The following SHC2 variants were observed in gnomAD, a reference collection of about 807,000 sequenced individuals.
The protein encoded by SHC2 is SHC adaptor protein 2, also known as SHC-transforming protein 2.
SHC2 carries 62 observed loss-of-function variants against 60.6 expected under a neutral mutation model. That is an observed-to-expected ratio of 1.02 (90% CI 0.83 to 1.26). The LOEUF is 1.26. SHC2 is among the 50% of genes most tolerant of loss of function. SHC2 has a pLI of 0.00. For synonymous variants in SHC2, 375 were observed against 372.4 expected, an observed-to-expected ratio of 1.01 and a Z score of -0.08; for missense variants, 873 against 822.2, an observed-to-expected ratio of 1.06 and a Z score of -0.76.
At chr19:456,920 G>C (rs1032819501) in intron 1 of SHC2, among the ~76,000 whole-genome samples, 1 of 146,730 alleles carries the variant, frequency 6.8e-6, no homozygotes, top group Admixed American at 6.7e-5. Flanking sequence ...CCACTGCGTG[G>C]GGCCTTTGCA....
intron 2 of SHC2, among the ~76,000 whole-genome samples, chr19:439,756 C>T (rs1303850902): frequency 1.3e-5 from 2 of 152,130 alleles, no homozygotes; most frequent in African/African-American, 2.4e-5. Context: ...GCAGGCGCGG[C>T]GGCCCCCACC....
At chr19:448,250 A>G (rs1975095041) in intron 1 of SHC2, among the ~76,000 whole-genome samples, 1 of 152,242 alleles carries the variant, frequency 6.6e-6, no homozygotes, top group East Asian at 1.9e-4. Context: ...AGCAAAGGCC[A>G]CACCTGGGGG....
chr19:436,722 GC>G (rs770472465), intron 4 of SHC2, 39 bp from the exon 5 acceptor site: 2 of 1,581,848 alleles, frequency 1.3e-6, no homozygotes, highest in South Asian at 2.3e-5. Context: ...TGGGGGCCCC[GC>G]TTCGAGGGCA....
chr19:443,749 G>A (rs1260275144), intron 1 of SHC2, among the ~76,000 whole-genome samples: 2 of 149,360 alleles, frequency 1.3e-5, no homozygotes, highest in Non-Finnish European at 3.0e-5. Flanking sequence ...TGGATGGACG[G>A]ATGGTTGGAT....
rs1974714231 is a variant in SHC2 at position 436,247 on chromosome 19, T to TG, written c.870dup (p.Ile291HisfsTer145). The stretch of plus-strand genomic sequence containing the variant: ...TCGAAAGCTTGGCCCACGGTGCTGA[T>TG]GATGCTCTGTGCCAGGCCCTCACAG... On this transcript the variant is annotated frameshift_variant, in exon 7 of 13. Coordinates refer to ENST00000264554, the MANE Select transcript of SHC2 (RefSeq NM_012435.3). LOFTEE classifies it high-confidence loss of function. 1.1e-5 allele frequency: 18 copies of TG among 1,597,504 alleles called. No individual in the cohort carries two copies. Among genetic ancestry groups the TG allele is most frequent in the Non-Finnish European group, 1.4e-5 (17 of 1,172,750 alleles).
At chr19:447,278 G>C (rs1412306023) in intron 1 of SHC2, among the ~76,000 whole-genome samples, 1 of 151,936 alleles carries the variant, frequency 6.6e-6, no homozygotes. Context: ...GAGGCAGGAA[G>C]GGGACGCGTG....
At position 440,298 on chromosome 19, in the gene SHC2, G is replaced by C. The variant is rs1218618646; in HGVS notation, c.539+564C>G. 6.6e-6 allele frequency among the ~76,000 whole-genome samples: 1 copy of C among 152,122 alleles called. No individual in the cohort carries two copies. The highest frequency in any genetic ancestry group is 1.9e-4 in the East Asian group (1 of 5,196). On this transcript the variant is annotated intron_variant, in intron 2 of 12. Transcript: ENST00000264554. This position sits in a 1 kb window ranked among gnomAD's most constrained non-coding sequence, Gnocchi z 7.0. The stretch of plus-strand genomic sequence containing the variant: ...TTCGGAACTAGACAGTGGTGATCGT[G>C]TGACTCTGTGAAGAGCCTAAAGTCT...
At chr19:456,737 G>T (rs866407399) in intron 1 of SHC2, among the ~76,000 whole-genome samples, 2 of 131,346 alleles carry the variant, frequency 1.5e-5, no homozygotes, top group African/African-American at 5.6e-5. Flanking sequence ...AAACTCCACC[G>T]CGTCAGGCCT....
At chr19:448,046 A>G (rs1463905705) in intron 1 of SHC2, among the ~76,000 whole-genome samples, 1 of 152,220 alleles carries the variant, frequency 6.6e-6, no homozygotes, top group Non-Finnish European at 1.5e-5. Flanking sequence ...GGCCGCAGGC[A>G]GCGCTTGGGC....
intron 1 of SHC2, among the ~76,000 whole-genome samples, chr19:457,789 G>T (rs118029851): frequency 0.014 from 2,081 of 152,398 alleles, 41 homozygotes; most frequent in South Asian, 0.049. Flanking sequence ...AATGGATGTG[G>T]TGTGAAGGAA....
At chr19:417,727 C>G (rs556732050) in intron 12 of SHC2, among the ~76,000 whole-genome samples, 1 of 152,322 alleles carries the variant, frequency 6.6e-6, no homozygotes, top group East Asian at 1.9e-4. Context: ...AACACAGGAG[C>G]CCGTGTGCCA....
At chr19:437,538 C>G (rs1440048224) in intron 4 of SHC2, among the ~76,000 whole-genome samples, 2 of 152,124 alleles carry the variant, frequency 1.3e-5, no homozygotes, top group Admixed American at 1.3e-4. Context: ...GAGGCTCTCC[C>G]CTTGCCAACC....
Position 438,898 on chromosome 19 carries a change from A to G in SHC2, c.601-61T>C. 6.4e-7 allele frequency: 1 copy of G among 1,553,784 alleles called. No individual in the cohort carries two copies. Among genetic ancestry groups the G allele is most frequent in the East Asian group, 2.4e-5 (1 of 41,412 alleles). ...GGGTGGGGGCTGTCGAGGGGCTCCC[A>G]GGATGGCCGCAGCGTCCCCACAGCC... On this transcript the variant is annotated intron_variant, in intron 3 of 12. Coordinates refer to ENST00000264554, the MANE Select transcript of SHC2 (RefSeq NM_012435.3). This position sits in a 1 kb window ranked among gnomAD's most constrained non-coding sequence, Gnocchi z 5.0.
chr19:448,940 T>C (rs11085050), intron 1 of SHC2, among the ~76,000 whole-genome samples: 80,315 of 151,332 alleles, frequency 0.53, 24,979 homozygotes, highest in African/African-American at 0.87. Context: ...ACGGCTTGAG[T>C]TCAGGAGTTC....
intron 7 of SHC2, 57 bp from the exon 8 acceptor site, chr19:434,922 T>C (rs977768478): frequency 5.9e-6 from 9 of 1,536,228 alleles, no homozygotes; most frequent in African/African-American, 1.4e-5. Context: ...GGCTAAAGCC[T>C]TACGGCTTGA....
rs1974871445 is a variant in SHC2, at chr19:441,584, GA to G, written c.469-653del. ...GTCCTTCCAACGTTGGCCCTTGCTG[GA>G]GGGAGGGTAAGGGGCACAGCCCACG... On this transcript the variant is annotated intron_variant, in intron 1 of 12. Coordinates refer to ENST00000264554, the MANE Select transcript of SHC2 (RefSeq NM_012435.3). The surrounding 1 kb of genome is among the most constrained non-coding windows in gnomAD (Gnocchi z 4.9). Among the ~76,000 whole-genome samples the G allele has an allele frequency of 6.6e-6, 1 of 152,208 alleles. No homozygotes were observed. The highest frequency in any genetic ancestry group is 1.5e-5 in the Non-Finnish European group (1 of 68,040).
In SHC2 at chr19:440,326, A is replaced by G. The variant is rs1974833340; in HGVS notation, c.539+536T>C. Among the ~76,000 whole-genome samples, 1 of 152,182 alleles carries G rather than the reference A, an allele frequency of 6.6e-6. No homozygotes were observed. Among genetic ancestry groups the G allele is most frequent in the African/African-American group, 2.4e-5 (1 of 41,444 alleles). ...ACTCTGTGAAGAGCCTAAAGTCTCAAACTGTACATTATATCTCACATACGC... is the reference window on the plus strand; with the variant it reads ...ACTCTGTGAAGAGCCTAAAGTCTCAGACTGTACATTATATCTCACATACGC... On this transcript the variant is annotated intron_variant, in intron 2 of 12. Transcript: ENST00000264554. The surrounding 1 kb of genome is among the most constrained non-coding windows in gnomAD (Gnocchi z 7.0).
rs544588093 is a variant in SHC2 at position 437,316 on chromosome 19, C to T, written c.721-633G>A. 7.6e-3 allele frequency among the ~76,000 whole-genome samples: 1,144 copies of T among 150,376 alleles called. 8 individuals are homozygous for T. Among genetic ancestry groups the T allele is most frequent in the African/African-American group, 0.016 (639 of 40,546 alleles). On this transcript the variant is annotated intron_variant, in intron 4 of 12. Coordinates refer to ENST00000264554, the MANE Select transcript of SHC2 (RefSeq NM_012435.3). The stretch of plus-strand genomic sequence containing the variant: ...TCTGCGTGCTCGTCTGTGTGCTCAT[C>T]TGCATGCTCATCTGCGTGCTTGTTT...
chr19:460,391 T>G, intron 1 of SHC2, 138 bp downstream of exon 1: 19 of 320,942 alleles, frequency 5.9e-5, no homozygotes, highest in East Asian at 1.6e-4. Flanking sequence ...CGGCCGGGGA[T>G]GGGGGTCCGG....
Sources: gnomAD v4.1 joint callset for allele counts (sites outside exome capture counted in the v4.1 genomes callset) on GRCh38, gnomAD v4.1.1 for gene constraint, Gnocchi (gnomAD v3.1) non-coding constraint, MANE v1.5 for transcripts, NCBI Gene and HGNC (gene_info 2026-07-23, HGNC 2026-07-21) for gene names.